The following LRRTM4 variants were observed in gnomAD, a reference collection of about 807,000 sequenced individuals.
LRRTM4 encodes the protein leucine rich repeat transmembrane neuronal 4.
A neutral mutation model predicts 47.6 loss-of-function variants in LRRTM4; 25 were observed. The observed-to-expected ratio is 0.53, with a 90% confidence interval of 0.38 to 0.73. The LOEUF is 0.73. Among genes scored for constraint, LRRTM4 ranks in the 30% least tolerant of loss-of-function variants. The pLI is 0.00. For missense variants in LRRTM4, 638 were observed against 713.4 expected (o/e 0.89, Z 1.20); for synonymous variants, 311 against 269.5 (o/e 1.15, Z -1.51).
intron 3 of LRRTM4, among the ~76,000 whole-genome samples, chr2:77,013,799 A>C (rs1329818378): frequency 1.3e-5 from 2 of 152,216 alleles, no homozygotes; most frequent in African/African-American, 2.4e-5. Flanking sequence ...TTTAAGAGTT[A>C]TATATTTACC....
chr2:77,429,846 G>C (rs898730084), intron 3 of LRRTM4, among the ~76,000 whole-genome samples: 1 of 152,024 alleles, frequency 6.6e-6, no homozygotes, highest in Non-Finnish European at 1.5e-5. Context: ...CGGGTGGATT[G>C]TTTTAAGTCA....
intron 3 of LRRTM4, among the ~76,000 whole-genome samples, chr2:77,236,263 C>T (rs977091022): frequency 1.3e-5 from 2 of 151,646 alleles, no homozygotes; most frequent in Non-Finnish European, 3.0e-5. Context: ...TCCTATTTTA[C>T]TTTTGTGTGG....
chr2:77,522,147 A>G lies in LRRTM4; in HGVS notation c.-186T>C. 1.4e-6 allele frequency: 1 copy of G among 715,874 alleles called. No homozygotes were observed. Among genetic ancestry groups the G allele is most frequent in the Non-Finnish European group, 2.6e-6 (1 of 384,038 alleles). 44.3% of individuals were successfully genotyped at this position (715,874 alleles called of 1,614,324 possible). A position where few individuals can be genotyped will look rare whatever the true frequency, so the allele number is the denominator to read the frequency against. ...TTGTGCTGGCTTTTGCCATTCCCAGATAAAGCAATTCATCCTCTGGATTTT... is the reference window on the plus strand; with the variant it reads ...TTGTGCTGGCTTTTGCCATTCCCAGGTAAAGCAATTCATCCTCTGGATTTT... On this transcript the variant is annotated 5_prime_UTR_variant, in exon 1 of 4. Coordinates refer to ENST00000409884, the MANE Select transcript of LRRTM4 (RefSeq NM_001134745.3).
chr2:77,014,120 G>A (rs1304420958), intron 3 of LRRTM4, among the ~76,000 whole-genome samples: 1 of 152,010 alleles, frequency 6.6e-6, no homozygotes, highest in Non-Finnish European at 1.5e-5. Flanking sequence ...ACAGTTTTTT[G>A]TTTGATCCCC....
chr2:77,047,236 G>T (rs1449203912), intron 3 of LRRTM4, among the ~76,000 whole-genome samples: 1 of 151,966 alleles, frequency 6.6e-6, no homozygotes, highest in Admixed American at 6.6e-5. Flanking sequence ...GTCATTTCAG[G>T]CACAGCTTAT....
At chr2:77,232,526 C>T (rs562794248) in intron 3 of LRRTM4, among the ~76,000 whole-genome samples, 7 of 152,270 alleles carry the variant, frequency 4.6e-5, no homozygotes, top group African/African-American at 1.4e-4. Context: ...AGAATGAAGT[C>T]CAGGTCCTTC....
chr2:77,104,456 G>C (rs1240708269), intron 3 of LRRTM4, among the ~76,000 whole-genome samples: 1 of 152,216 alleles, frequency 6.6e-6, no homozygotes, highest in South Asian at 2.1e-4. Context: ...TTTGAAGGCA[G>C]TGGTGATATA....
chr2:77,242,975 C>T (rs933901281), intron 3 of LRRTM4, among the ~76,000 whole-genome samples: 15 of 151,978 alleles, frequency 9.9e-5, no homozygotes, highest in African/African-American at 3.1e-4. Context: ...ACAACCCAAG[C>T]GTCTATTGAT....
chr2:77,447,458 C>T (rs1170799755), intron 3 of LRRTM4, among the ~76,000 whole-genome samples: 1 of 152,136 alleles, frequency 6.6e-6, no homozygotes, highest in Non-Finnish European at 1.5e-5. Context: ...ATACCTGACA[C>T]ATCACTGAGG....
intron 3 of LRRTM4, among the ~76,000 whole-genome samples, chr2:77,503,044 G>GT (rs796437888): frequency 0.01 from 1,433 of 142,488 alleles, 17 homozygotes; most frequent in African/African-American, 0.031. Flanking sequence ...GTCATTCAGG[G>GT]TTTTTTTTTT....
intron 3 of LRRTM4, among the ~76,000 whole-genome samples, chr2:76,885,209 C>T (rs1673035284): frequency 6.6e-6 from 1 of 151,926 alleles, no homozygotes; most frequent in African/African-American, 2.4e-5. Context: ...AGTACAATTA[C>T]TTCTACAAAT....
chr2:76,804,621 A>G (rs1207409411), intron 3 of LRRTM4, among the ~76,000 whole-genome samples: 1 of 147,248 alleles, frequency 6.8e-6, no homozygotes, highest in Non-Finnish European at 1.5e-5. Flanking sequence ...ACATATGCAT[A>G]GTATCTTGTA....
chr2:77,297,885 G>A (rs1254044428), intron 3 of LRRTM4, among the ~76,000 whole-genome samples: 1 of 152,090 alleles, frequency 6.6e-6, no homozygotes, highest in Non-Finnish European at 1.5e-5. Flanking sequence ...AAGATCACAT[G>A]GTCAAAGACT....
At chr2:77,378,241 C>T (rs977708234) in intron 3 of LRRTM4, among the ~76,000 whole-genome samples, 1 of 151,786 alleles carries the variant, frequency 6.6e-6, no homozygotes, top group African/African-American at 2.4e-5. Flanking sequence ...ACGAATTAGT[C>T]TCTATATTTC....
Position 77,211,104 on chromosome 2 carries a change from T to C in LRRTM4, c.1551+307214A>G, listed in dbSNP as rs546926398. Among the ~76,000 whole-genome samples, 4 of 121,426 alleles carry C rather than the reference T, an allele frequency of 3.3e-5. No individual in the cohort carries two copies. The East Asian group carries it at 1.8e-3, about 55-fold the overall frequency. The allele number at this position is 121,426 out of a possible 152,430, so 79.7% of individuals were successfully genotyped here. A position where few individuals can be genotyped will look rare whatever the true frequency, so the allele number is the denominator to read the frequency against. On this transcript the variant is annotated intron_variant, in intron 3 of 3. Transcript: ENST00000409884. ...CATAAAATAATTCAATATGGGGAAA[T>C]AGATAGAGAAGTGTTGAAAAAGCTA...
chr2:77,388,358 C>T (rs536861686), intron 3 of LRRTM4, among the ~76,000 whole-genome samples: 33 of 152,152 alleles, frequency 2.2e-4, no homozygotes, highest in Admixed American at 1.6e-3. Flanking sequence ...TATTTCTCTA[C>T]GGCAGACATT....
intron 3 of LRRTM4, among the ~76,000 whole-genome samples, chr2:77,018,084 TAAGA>T (rs897098743): frequency 6.6e-6 from 1 of 152,006 alleles, no homozygotes; most frequent in Non-Finnish European, 1.5e-5. Flanking sequence ...TTGTTTAATG[TAAGA>T]AAGAATTGAA....
chr2:77,092,567 T>G (rs1470140600), intron 3 of LRRTM4, among the ~76,000 whole-genome samples: 1 of 126,024 alleles, frequency 7.9e-6, no homozygotes, highest in Non-Finnish European at 1.6e-5. Context: ...CACATCAAGC[T>G]CGAGGATTTG....
chr2:76,902,674 G>A (rs976292133), intron 3 of LRRTM4, among the ~76,000 whole-genome samples: 1 of 152,174 alleles, frequency 6.6e-6, no homozygotes, highest in Non-Finnish European at 1.5e-5. Flanking sequence ...GTGTACATTA[G>A]TAAATTTTGC....
Sources: allele counts gnomAD v4.1 joint callset (sites outside exome capture counted in the v4.1 genomes callset), GRCh38; gene constraint gnomAD v4.1.1; transcripts MANE v1.5; gene names NCBI Gene and HGNC (gene_info 2026-07-23, HGNC 2026-07-21).